COLQ: variants seen among roughly 807,000 people sequenced by gnomAD.
COLQ encodes the protein acetylcholinesterase collagenic tail peptide.
A neutral mutation model predicts 69.0 loss-of-function variants in COLQ; 48 were observed. That is an observed-to-expected ratio of 0.70 (90% CI 0.55 to 0.88). The LOEUF is 0.88. Ranked by LOEUF, COLQ falls within the 40% of genes least tolerant of loss-of-function variation. The pLI, the probability that COLQ is intolerant of heterozygous loss-of-function variation, is 0.00. For missense variants in COLQ, 618 were observed against 594.6 expected (o/e 1.04, Z -0.41); for synonymous variants, 217 against 211.2 (o/e 1.03, Z -0.24).
intron 15 of COLQ, among the ~76,000 whole-genome samples, 162 bp downstream of exon 15, chr3:15,455,737 G>A (rs955950309): frequency 6.6e-6 from 1 of 152,204 alleles, no homozygotes; most frequent in Non-Finnish European, 1.5e-5. Context: ...GGCTGAAACT[G>A]GGGCAGCAGG....
rs1414258523 is a variant in COLQ, at chr3:15,453,836, G to T, written c.1291C>A (p.Leu431Ile). Residue 431 changes from leucine to isoleucine, a missense_variant, in exon 16 of 17, where the codon CTC (leucine) becomes ATC (isoleucine). Physicochemically the swap from Leu to Ile is conservative, Grantham distance 5 (BLOSUM62 2). Coordinates refer to ENST00000383788, the MANE Select transcript of COLQ (RefSeq NM_005677.4). ...GAGGGGAGTCATCCCTACCCAGGGA[G>T]ATAGGTCTCGCATGTCAGGTAGCCA... ...DFGYLTCETY[L>I]PGSYGDLQCT... 5 of 1,608,022 alleles carry T rather than the reference G, an allele frequency of 3.1e-6. No homozygotes were observed. The highest frequency in any genetic ancestry group is 4.3e-6 in the Non-Finnish European group (5 of 1,176,236).
At chr3:15,474,338 A>G in intron 8 of COLQ, 66 bp from the exon 9 acceptor site, 1 of 1,542,112 alleles carries the variant, frequency 6.5e-7, no homozygotes, top group African/African-American at 1.4e-5. Context: ...AAGCATTTCA[A>G]ACTGAAAAGC....
chr3:15,501,859 T>G (rs2125163943), intron 1 of COLQ, among the ~76,000 whole-genome samples: 1 of 152,346 alleles, frequency 6.6e-6, no homozygotes, highest in South Asian at 2.1e-4. Flanking sequence ...AACCTGCTTC[T>G]TGGCTATAAT....
intron 3 of COLQ, among the ~76,000 whole-genome samples, chr3:15,485,790 T>G (rs1159136597): frequency 1.3e-5 from 2 of 152,164 alleles, no homozygotes; most frequent in African/African-American, 4.8e-5. Flanking sequence ...AGACCCTGTC[T>G]CTACAAAATA....
At chr3:15,475,546 G>C (rs948336064) in intron 6 of COLQ, 59 bp from the exon 7 acceptor site, 1 of 1,481,476 alleles carries the variant, frequency 6.8e-7, no homozygotes, top group Non-Finnish European at 9.2e-7. Flanking sequence ...AACTGAACCA[G>C]GAAGTCACAG....
At chr3:15,453,362 T>C (rs536937260) in intron 16 of COLQ, among the ~76,000 whole-genome samples, 1 of 152,234 alleles carries the variant, frequency 6.6e-6, no homozygotes, top group Non-Finnish European at 1.5e-5. Flanking sequence ...TGATTTGATC[T>C]CACTTGCAGT....
At chr3:15,484,562 G>A (rs1193232591) in intron 3 of COLQ, among the ~76,000 whole-genome samples, 4 of 152,186 alleles carry the variant, frequency 2.6e-5, no homozygotes, top group Admixed American at 1.3e-4. Flanking sequence ...CCAATCAGAC[G>A]TAGATTTGGT....
chr3:15,454,495 T>C (rs1441732543), intron 15 of COLQ, among the ~76,000 whole-genome samples: 3 of 152,014 alleles, frequency 2.0e-5, no homozygotes, highest in African/African-American at 7.3e-5. Context: ...AGAGCTCCTA[T>C]TTGACACTGT....
Position 15,473,923 on chromosome 3 carries a change from G to T in COLQ, c.636+77C>A. ...CCATCCCTGCCTGATAGACAAGGAG[G>T]CAGAGTTCTTTTTGTTGTGCTTGGA... On this transcript the variant is annotated intron_variant, in intron 10 of 16. Transcript: ENST00000383788. The surrounding 1 kb of genome is among the most constrained non-coding windows in gnomAD (Gnocchi z 4.0). 2 of 1,474,558 alleles carry T rather than the reference G, an allele frequency of 1.4e-6. No individual in the cohort carries two copies. The highest frequency in any genetic ancestry group is 1.9e-6 in the Non-Finnish European group (2 of 1,056,580). 91.3% of individuals were successfully genotyped at this position (1,474,558 alleles called of 1,614,324 possible). A position where few individuals can be genotyped will look rare whatever the true frequency, so the allele number is the denominator to read the frequency against.
chr3:15,514,472 A>C (rs1430241176), intron 1 of COLQ, among the ~76,000 whole-genome samples: 2 of 152,182 alleles, frequency 1.3e-5, no homozygotes, highest in Non-Finnish European at 2.9e-5. Context: ...CACCTGGAGG[A>C]CTTTAAGCAT....
chr3:15,511,182 G>C (rs1302131964), intron 1 of COLQ, among the ~76,000 whole-genome samples: 1 of 152,220 alleles, frequency 6.6e-6, no homozygotes, highest in Non-Finnish European at 1.5e-5. Context: ...TCCTGCAAGA[G>C]AGCAAATGAC....
intron 1 of COLQ, among the ~76,000 whole-genome samples, chr3:15,509,882 A>G (rs1316948433): frequency 6.6e-6 from 1 of 152,172 alleles, no homozygotes; most frequent in Non-Finnish European, 1.5e-5. Context: ...ACCGAATAAG[A>G]GCAGATGGGG....
chr3:15,475,074 A>C, intron 7 of COLQ, 123 bp from the exon 8 acceptor site: 1 of 1,083,570 alleles, frequency 9.2e-7, no homozygotes. Context: ...TGTGAGTTTT[A>C]GTGGGGTTGC....
chr3:15,475,575 TG>T, intron 6 of COLQ, 88 bp from the exon 7 acceptor site: 1 of 1,285,546 alleles, frequency 7.8e-7, no homozygotes. Flanking sequence ...GGGAAGGAAC[TG>T]GGGATATCAG....
rs906414362 is a variant in COLQ, at chr3:15,473,010, C to T, written c.636+990G>A. On this transcript the variant is annotated intron_variant, in intron 10 of 16. Coordinates refer to ENST00000383788, the MANE Select transcript of COLQ (RefSeq NM_005677.4). This position sits in a 1 kb window ranked among gnomAD's most constrained non-coding sequence, Gnocchi z 4.0. ...GAGTCGCTGGGACTATAGGCATGTG[C>T]CACCATGACCTGCTAATTTTTTTTT... Among the ~76,000 whole-genome samples, 4 of 151,768 alleles carry T rather than the reference C, an allele frequency of 2.6e-5. No homozygotes were observed. Among genetic ancestry groups the T allele is most frequent in the Non-Finnish European group, 5.9e-5 (4 of 67,998 alleles).
At chr3:15,486,037 C>CAA in intron 3 of COLQ, among the ~76,000 whole-genome samples, 1 of 152,144 alleles carries the variant, frequency 6.6e-6, no homozygotes, top group East Asian at 1.9e-4. Context: ...TTTTGGAGCT[C>CAA]CCCCAGGGAA....
Position 15,451,305 on chromosome 3 carries a change from T to C in COLQ, c.*339A>G, listed in dbSNP as rs1250452814. 2.3e-6 allele frequency: 1 copy of C among 438,722 alleles called. No individual in the cohort carries two copies. Among genetic ancestry groups the C allele is most frequent in the African/African-American group, 2.0e-5 (1 of 50,124 alleles). 27.2% of individuals were successfully genotyped at this position (438,722 alleles called of 1,614,324 possible). ...CTAAAACAGCCTGCAGGTCTGTGTG[T>C]GTCTAACAGTGCTCAGCCAAGTCCA... is the stretch of plus-strand genomic sequence containing the variant. On this transcript the variant is annotated 3_prime_UTR_variant, in exon 17 of 17. Coordinates refer to ENST00000383788, the MANE Select transcript of COLQ (RefSeq NM_005677.4).
Position 15,470,592 on chromosome 3 carries a change from G to A in COLQ, c.661C>T (p.Pro221Ser), listed in dbSNP as rs2062265717. 1 of 1,614,090 alleles carries A rather than the reference G, an allele frequency of 6.2e-7. No individual in the cohort carries two copies. The highest frequency in any genetic ancestry group is 8.5e-7 in the Non-Finnish European group (1 of 1,180,004). Residue 221 changes from proline to serine, a missense_variant, in exon 11 of 17, where the codon CCT becomes TCT. Coordinates refer to ENST00000383788, the MANE Select transcript of COLQ (RefSeq NM_005677.4). ...GGTCCTCGGTGTCCTGCTATCCCAG[G>A]TTCACCTTTTGGACCCATTTCACCC... ...QKGEMGPKGE[P>S]GIAGHRGPTG...
chr3:15,451,376 G>A lies in COLQ; in HGVS notation c.*268C>T, dbSNP rs905152880. Reference sequence around the variant, plus strand: ...CCAGAAGAGGAAGAGCATTGTAGCCGGTTGTTTGGCCAAATGGTAGCGATG... The same window carrying A: ...CCAGAAGAGGAAGAGCATTGTAGCCAGTTGTTTGGCCAAATGGTAGCGATG... On this transcript the variant is annotated 3_prime_UTR_variant, in exon 17 of 17. Transcript: ENST00000383788. 16 of 618,952 alleles carry A rather than the reference G, an allele frequency of 2.6e-5. No homozygotes were observed. The highest frequency in any genetic ancestry group is 5.5e-5 in the African/African-American group (3 of 54,612). 38.3% of individuals were successfully genotyped at this position (618,952 alleles called of 1,614,324 possible).
Sources: allele counts gnomAD v4.1 joint callset (sites outside exome capture counted in the v4.1 genomes callset), GRCh38; gene constraint gnomAD v4.1.1; non-coding constraint Gnocchi (gnomAD v3.1); transcripts MANE v1.5; gene names NCBI Gene and HGNC (gene_info 2026-07-23, HGNC 2026-07-21).